VPS13B: variants seen among roughly 807,000 people sequenced by gnomAD.
VPS13B encodes intermembrane lipid transfer protein VPS13B.
VPS13B carries 285 observed loss-of-function variants against 426.4 expected under a neutral mutation model. The observed-to-expected ratio is 0.67, with a 90% CI of 0.61 to 0.74. The LOEUF (loss-of-function observed/expected upper bound fraction) is 0.74. Among genes scored for constraint, VPS13B ranks in the 30% least tolerant of loss-of-function variants. The pLI is 0.00. For synonymous variants in VPS13B, 1,676 were observed against 1,676.4 expected (o/e 1.00, Z 0.01); for missense variants, 4,537 against 4,782.6 (o/e 0.95, Z 1.51).
chr8:99,429,335 A>G (rs1167762328), intron 21 of VPS13B, among the ~76,000 whole-genome samples: 1 of 152,006 alleles, frequency 6.6e-6, no homozygotes, highest in Non-Finnish European at 1.5e-5. Flanking sequence ...TCTGATGAAA[A>G]GGATATCTGA....
chr8:99,623,233 A>G (rs575704907), intron 33 of VPS13B, among the ~76,000 whole-genome samples: 5 of 152,156 alleles, frequency 3.3e-5, no homozygotes, highest in African/African-American at 1.2e-4. Context: ...GACCTTTGCA[A>G]AGGTGCTTTC....
At chr8:99,579,928 C>A (rs535796453) in intron 33 of VPS13B, among the ~76,000 whole-genome samples, 2 of 151,278 alleles carry the variant, frequency 1.3e-5, no homozygotes, top group South Asian at 4.2e-4. Flanking sequence ...GAACTCCCGA[C>A]CTCAGGTGAT....
chr8:99,026,121 T>C (rs1842125429), intron 2 of VPS13B, among the ~76,000 whole-genome samples: 1 of 152,242 alleles, frequency 6.6e-6, no homozygotes, highest in Non-Finnish European at 1.5e-5. Context: ...TTTCAACTTC[T>C]TGATACAACT....
At chr8:99,184,793 C>A (rs2132704828) in intron 16 of VPS13B, among the ~76,000 whole-genome samples, 1 of 152,220 alleles carries the variant, frequency 6.6e-6, no homozygotes, top group Non-Finnish European at 1.5e-5. Flanking sequence ...GAGTTTGAGA[C>A]CAGCCTGGCC....
intron 21 of VPS13B, among the ~76,000 whole-genome samples, chr8:99,413,358 A>G (rs1815804036): frequency 1.3e-5 from 2 of 152,090 alleles, no homozygotes; most frequent in South Asian, 4.1e-4. Context: ...AGGTGTTTAT[A>G]GTATTCTCTG....
chr8:99,829,826 T>C (rs149684823), intron 51 of VPS13B, among the ~76,000 whole-genome samples: 1 of 152,218 alleles, frequency 6.6e-6, no homozygotes, highest in African/African-American at 2.4e-5. Flanking sequence ...GCTTTCTGTT[T>C]GTTAGTTTTC....
At chr8:99,819,638 C>T (rs1814252245) in intron 48 of VPS13B, 56 bp downstream of exon 48, 3 of 1,568,994 alleles carry the variant, frequency 1.9e-6, no homozygotes, top group Non-Finnish European at 2.6e-6. Flanking sequence ...AACAAATGAT[C>T]ATTCACAAAA....
At chr8:99,191,664 G>C (rs971748299) in intron 16 of VPS13B, among the ~76,000 whole-genome samples, 12 of 151,970 alleles carry the variant, frequency 7.9e-5, no homozygotes, top group African/African-American at 2.9e-4. Context: ...TTACAGGTGT[G>C]AGCCACCGCG....
intron 35 of VPS13B, among the ~76,000 whole-genome samples, chr8:99,676,354 T>G (rs1435760806): frequency 6.6e-6 from 1 of 151,988 alleles, no homozygotes; most frequent in Non-Finnish European, 1.5e-5. Flanking sequence ...AGGCCAGTGA[T>G]CAAGTCTATT....
intron 35 of VPS13B, among the ~76,000 whole-genome samples, chr8:99,686,374 G>A (rs952622759): frequency 6.6e-6 from 1 of 150,716 alleles, no homozygotes; most frequent in East Asian, 1.9e-4. Context: ...CTGGCTATCC[G>A]CCTGTGTTCA....
At chr8:99,710,835 C>CA (rs532543246) in intron 36 of VPS13B, among the ~76,000 whole-genome samples, 24,931 of 86,324 alleles carry the variant, frequency 0.29, 2,816 homozygotes, top group East Asian at 0.46. Flanking sequence ...ACTAAAAATG[C>CA]AAAAAAAAAA....
intron 21 of VPS13B, among the ~76,000 whole-genome samples, chr8:99,404,528 T>C (rs1468848270): frequency 1.3e-5 from 2 of 152,208 alleles, no homozygotes; most frequent in African/African-American, 4.8e-5. Flanking sequence ...CAGGTTTATT[T>C]TGATGAAAAG....
At chr8:99,347,849 G>C (rs1424738996) in intron 19 of VPS13B, 1 of 152,262 alleles carries the variant, frequency 6.6e-6, no homozygotes, top group Non-Finnish European at 1.5e-5. Context: ...TCTTCTAAAA[G>C]CCCACACTGT....
intron 19 of VPS13B, among the ~76,000 whole-genome samples, chr8:99,376,799 T>C (rs754964413): frequency 1.3e-5 from 2 of 152,082 alleles, no homozygotes; most frequent in Non-Finnish European, 2.9e-5. Context: ...TTTTGTTTAC[T>C]AGGTTTTGAA....
chr8:99,036,044 A>G (rs1437075023), intron 2 of VPS13B, among the ~76,000 whole-genome samples: 6 of 152,090 alleles, frequency 3.9e-5, no homozygotes, highest in Non-Finnish European at 8.8e-5. Context: ...TATATATTCT[A>G]GATATTAGTA....
At chr8:99,232,750 T>C (rs554246356) in intron 17 of VPS13B, among the ~76,000 whole-genome samples, 6 of 152,228 alleles carry the variant, frequency 3.9e-5, no homozygotes, top group African/African-American at 1.4e-4. Context: ...AGGTACAGCA[T>C]TGTGGGAGTT....
chr8:99,359,812 A>C (rs940443280), intron 19 of VPS13B, among the ~76,000 whole-genome samples: 4 of 152,138 alleles, frequency 2.6e-5, no homozygotes, highest in African/African-American at 9.7e-5. Flanking sequence ...ACTATACTTC[A>C]TTGCAAAGAA....
intron 24 of VPS13B, among the ~76,000 whole-genome samples, chr8:99,471,945 C>T (rs1217530422): frequency 6.6e-6 from 1 of 152,008 alleles, no homozygotes; most frequent in Non-Finnish European, 1.5e-5. Flanking sequence ...CGTATAATAC[C>T]TAAGATTGTA....
chr8:99,498,329 G>T (rs1036663380), intron 25 of VPS13B, among the ~76,000 whole-genome samples: 1 of 151,610 alleles, frequency 6.6e-6, no homozygotes, highest in African/African-American at 2.4e-5. Context: ...TGCTTAGTTG[G>T]GTCAAAACTA....
Sources: allele counts gnomAD v4.1 joint callset (sites outside exome capture counted in the v4.1 genomes callset), GRCh38; gene constraint gnomAD v4.1.1; transcripts MANE v1.5; gene names NCBI Gene and HGNC (gene_info 2026-07-23, HGNC 2026-07-21).